CHD2: variants seen among roughly 807,000 people sequenced by gnomAD.
CHD2 encodes the protein ATP-dependent chromatin remodeler CHD2.
In CHD2, 28 loss-of-function variants were observed where a neutral mutation model predicts 243.9. The observed-to-expected ratio is 0.11, with a 90% CI of 0.09 to 0.16. The LOEUF is 0.16. CHD2 is among the 10% of genes least tolerant of loss of function. CHD2 has a pLI of 1.00. For missense variants in CHD2, 1,386 were observed against 2,209.8 expected, an observed-to-expected ratio of 0.63 and a Z score of 7.47; for synonymous variants, 775 against 779.0, an observed-to-expected ratio of 0.99 and a Z score of 0.09.
Position 93,020,068 on chromosome 15 carries a change from C to G in CHD2, c.4963C>G (p.Pro1655Ala). Reference protein sequence around the residue: ...KFNYGGGNNNPPWGSDRHHQY... With the variant: ...KFNYGGGNNNAPWGSDRHHQY... The stretch of plus-strand genomic sequence containing the variant: ...CAACTATGGTGGTGGCAACAACAAT[C>G]CACCATGGGGAAGCGACAGGCACCA... The change falls in exon 38 of 39, where the codon CCA (proline) becomes GCA (alanine). Residue 1655 changes from proline to alanine, a missense_variant. By Grantham distance (27) the Pro-to-Ala change is conservative. Around this residue, in one of 19 missense-constraint regions of CHD2, gnomAD observed 347 missense variants for 341.6 expected, o/e 1.02. Coordinates refer to ENST00000394196, the MANE Select transcript of CHD2 (RefSeq NM_001271.4). The G allele has an allele frequency of 6.2e-7, 1 of 1,614,142 alleles. No homozygotes were observed. The highest frequency in any genetic ancestry group is 8.5e-7 in the Non-Finnish European group (1 of 1,180,026).
intron 15 of CHD2, among the ~76,000 whole-genome samples, chr15:92,956,047 A>G (rs961714133): frequency 2.0e-5 from 3 of 152,196 alleles, no homozygotes; most frequent in African/African-American, 4.8e-5. Flanking sequence ...CATTGGTATT[A>G]AGTGCAAACA....
chr15:92,944,663 G>C (rs1043726724), intron 10 of CHD2, 148 bp downstream of exon 10: 1 of 396,230 alleles, frequency 2.5e-6, no homozygotes, highest in African/African-American at 2.0e-5. Context: ...AAGATTTGCT[G>C]GTAAATTTGG....
chr15:93,025,575 T>G lies in CHD2; in HGVS notation c.*870T>G, dbSNP rs2054580353. The G allele has an allele frequency of 6.6e-6, 1 of 152,496 alleles. No homozygotes were observed. The highest frequency in any genetic ancestry group is 2.4e-5 in the African/African-American group (1 of 41,348). The allele number at this position is 152,496 out of a possible 1,614,324, so 9.4% of individuals were successfully genotyped here. On this transcript the variant is annotated 3_prime_UTR_variant, in exon 39 of 39. Coordinates refer to ENST00000394196, the MANE Select transcript of CHD2 (RefSeq NM_001271.4). ...GTAGGGTGGGGTAGGTGGGGAGTAG[T>G]GTGGCCAGGGAACTGGAATCCCTGG... is the stretch of plus-strand genomic sequence containing the variant.
At chr15:92,977,150 T>A (rs2053920956) in intron 20 of CHD2, among the ~76,000 whole-genome samples, 2 of 152,216 alleles carry the variant, frequency 1.3e-5, no homozygotes, top group Non-Finnish European at 2.9e-5. Flanking sequence ...TCTTAAATTG[T>A]CCACTGTTTA....
In CHD2 at chr15:93,000,551, A is replaced by G. The variant is rs781298970; in HGVS notation, c.4048A>G (p.Asn1350Asp). 1.2e-6 allele frequency: 2 copies of G among 1,613,640 alleles called. No homozygotes were observed. Among genetic ancestry groups the G allele is most frequent in the East Asian group, 2.2e-5 (1 of 44,874 alleles). The part of the protein sequence containing the change: ...KKRKPRVKKE[N>D]KVPRLKEEHG... ...GCGGAAGCCTCGGGTAAAGAAGGAA[A>G]ACAAAGTGCCCAGGCTGAAAGAGGA... The change falls in exon 32 of 39, where the codon AAC becomes GAC. Residue 1350 changes from asparagine (N) to aspartate (D), a missense_variant. Physicochemically the swap from Asn to Asp is conservative, Grantham distance 23 (BLOSUM62 1). Coordinates refer to ENST00000394196, the MANE Select transcript of CHD2 (RefSeq NM_001271.4).
At chr15:92,909,135 A>T (rs578223376) in intron 2 of CHD2, among the ~76,000 whole-genome samples, 17 of 152,054 alleles carry the variant, frequency 1.1e-4, no homozygotes, top group Middle Eastern at 3.4e-3. Context: ...GAAAAAAGAT[A>T]AAAAATGTAT....
chr15:92,930,415 C>T (rs1437729271), intron 5 of CHD2, among the ~76,000 whole-genome samples: 2 of 152,010 alleles, frequency 1.3e-5, no homozygotes, highest in Non-Finnish European at 2.9e-5. Context: ...GTTACTGGCT[C>T]ATAGTCTTGT....
intron 2 of CHD2, among the ~76,000 whole-genome samples, chr15:92,903,444 A>G (rs1349876618): frequency 6.6e-6 from 1 of 152,232 alleles, no homozygotes; most frequent in Non-Finnish European, 1.5e-5. Flanking sequence ...AGTTTAGGTA[A>G]ATCTGGTAAT....
At position 92,956,584 on chromosome 15, in the gene CHD2, G is replaced by A. The variant is rs779686192; in HGVS notation, c.1935G>A (p.Thr645=). Residue 645 remains threonine, a synonymous_variant, in exon 16 of 39, where the codon ACG becomes ACA. Transcript: ENST00000394196. ...AGTCCAACCATAGGCTCCTGATTACGGGGACCCCTCTTCAGAATTCCCTCA... is the reference window on the plus strand; with the variant it reads ...AGTCCAACCATAGGCTCCTGATTACAGGGACCCCTCTTCAGAATTCCCTCA... ...DFKSNHRLLI[T]GTPLQNSLKE... 14 of 1,613,930 alleles carry A rather than the reference G, an allele frequency of 8.7e-6. No individual in the cohort carries two copies. The highest frequency in any genetic ancestry group is 1.1e-5 in the Non-Finnish European group (13 of 1,179,900).
At chr15:93,023,914 T>G (rs2054563049) in intron 38 of CHD2, among the ~76,000 whole-genome samples, 1 of 139,904 alleles carries the variant, frequency 7.1e-6, no homozygotes, top group Non-Finnish European at 1.6e-5. Context: ...ATGAGCAGTT[T>G]ACCATGGTCC....
chr15:93,019,870 T>C, intron 37 of CHD2, 142 bp from the exon 38 acceptor site: 1 of 969,990 alleles, frequency 1.0e-6, no homozygotes, highest in South Asian at 1.7e-5. Context: ...GAGATGGAGA[T>C]TGCAGTGATC....
chr15:92,917,288 G>A (rs985082306), intron 2 of CHD2, among the ~76,000 whole-genome samples: 1 of 152,218 alleles, frequency 6.6e-6, no homozygotes, highest in African/African-American at 2.4e-5. Context: ...GCCAGGCGCA[G>A]TGGCTCATGC....
chr15:93,002,882 A>C (rs1367352097), intron 33 of CHD2, among the ~76,000 whole-genome samples: 2 of 152,204 alleles, frequency 1.3e-5, no homozygotes, highest in Admixed American at 1.3e-4. Flanking sequence ...CTGTAATTCT[A>C]ATATCCAGTT....
chr15:92,960,715 T>TTTG (rs1170597027), intron 16 of CHD2, among the ~76,000 whole-genome samples: 1 of 141,548 alleles, frequency 7.1e-6, no homozygotes, highest in Non-Finnish European at 1.5e-5. Context: ...GTTTTTTTTT[T>TTTG]TTTTTTTTTT....
At position 93,014,787 on chromosome 15, in the gene CHD2, C is replaced by T. The variant is rs756260519; in HGVS notation, c.4784C>T (p.Ser1595Phe). 2 of 1,614,150 alleles carry T rather than the reference C, an allele frequency of 1.2e-6. No individual in the cohort carries two copies. The highest frequency in any genetic ancestry group is 1.3e-5 in the African/African-American group (1 of 75,018). The change falls in exon 37 of 39, where the codon TCC becomes TTC. Residue 1595 changes from serine (S) to phenylalanine (F), a missense_variant. Ser to Phe is a radical substitution (Grantham distance 155). This residue lies in a region of CHD2 where 347 missense variants were observed against 341.6 expected (regional missense o/e 1.02). Transcript: ENST00000394196. Reference protein sequence around the residue: ...GSSRDSLISQSHTSHNLHPQK... With the variant: ...GSSRDSLISQFHTSHNLHPQK... The stretch of plus-strand genomic sequence containing the variant: ...AGCCGGGACTCTCTGATATCTCAGT[C>T]CCATACCTCACACAACCTTCACCCT...
At chr15:92,932,818 C>T (rs989536899) in intron 5 of CHD2, among the ~76,000 whole-genome samples, 20 of 147,554 alleles carry the variant, frequency 1.4e-4, no homozygotes, top group East Asian at 8.2e-4. Context: ...AGTACGATGG[C>T]GCAATCTCAG....
rs199544008 is a variant in CHD2 at position 92,972,947 on chromosome 15, C to CT, written c.2505+537dup. Among the ~76,000 whole-genome samples, 821 of 151,690 alleles carry CT rather than the reference C, an allele frequency of 5.4e-3. 9 individuals are homozygous for CT. The highest frequency in any genetic ancestry group is 0.019 in the African/African-American group (802 of 41,206). On this transcript the variant is annotated intron_variant, in intron 19 of 38. Coordinates refer to ENST00000394196, the MANE Select transcript of CHD2 (RefSeq NM_001271.4). ...TGAAAGTGGTCATGAGGAGACGATT[C>CT]TTTTTTTGAAGGTGGGTGGGGAGGA... is the stretch of plus-strand genomic sequence containing the variant.
chr15:92,962,266 C>T (rs1014363484), intron 16 of CHD2, among the ~76,000 whole-genome samples: 11 of 151,976 alleles, frequency 7.2e-5, no homozygotes, highest in Non-Finnish European at 1.6e-4. Context: ...TCTTAAGATA[C>T]AGTTTAGATT....
intron 8 of CHD2, 50 bp downstream of exon 8, chr15:92,942,005 T>G (rs768911852): frequency 6.5e-7 from 1 of 1,546,966 alleles, no homozygotes; most frequent in Non-Finnish European, 8.8e-7. Flanking sequence ...TTAGTAAGAC[T>G]TAGATTTTAG....
Sources: gnomAD v4.1 joint callset for allele counts (sites outside exome capture counted in the v4.1 genomes callset) on GRCh38, gnomAD v4.1.1 for gene constraint, gnomAD v4.1.1 regional missense constraint, MANE v1.5 for transcripts, NCBI Gene and HGNC (gene_info 2026-07-23, HGNC 2026-07-21) for gene names.